Variants in PPARGC1A observed in about 807,000 individuals in gnomAD.
The protein encoded by PPARGC1A is peroxisome proliferator-activated receptor gamma coactivator 1-alpha.
A neutral mutation model predicts 88.7 loss-of-function variants in PPARGC1A; 25 were observed. The ratio of observed to expected loss-of-function variants is 0.28; its 90% confidence interval spans 0.21 to 0.39. The LOEUF is 0.39. Among genes scored for constraint, PPARGC1A ranks in the 10% least tolerant of loss-of-function variants. PPARGC1A has a pLI of 1.00. For synonymous variants in PPARGC1A, 363 were observed against 355.6 expected (o/e 1.02, Z -0.24); for missense variants, 880 against 968.7 (o/e 0.91, Z 1.22).
At chr4:24,219,486 G>A in the PPARGC1A span, among the ~76,000 whole-genome samples, 9,042 of 152,176 alleles carry the variant, frequency 0.059, 347 homozygotes, top group South Asian at 0.11. Flanking sequence ...CACTGCCTGC[G>A]TCACTGCCTC....
chr4:24,083,409 G>C, the PPARGC1A span, among the ~76,000 whole-genome samples: 1 of 152,144 alleles, frequency 6.6e-6, no homozygotes, highest in Non-Finnish European at 1.5e-5. Flanking sequence ...CCCAGTGCCT[G>C]TCACACCACA....
chr4:24,317,738 A>G, the PPARGC1A span, among the ~76,000 whole-genome samples: 9 of 152,050 alleles, frequency 5.9e-5, no homozygotes, highest in East Asian at 1.7e-3. Context: ...CCCAGCCCCG[A>G]ACCCAGACAA....
the PPARGC1A span, among the ~76,000 whole-genome samples, chr4:23,947,079 T>C: frequency 2.0e-5 from 3 of 151,978 alleles, no homozygotes; most frequent in Non-Finnish European, 4.4e-5. Context: ...CAATATCTAC[T>C]GTCCCCCCAC....
chr4:23,931,794 A>G, the PPARGC1A span, among the ~76,000 whole-genome samples: 1 of 152,214 alleles, frequency 6.6e-6, no homozygotes, highest in Admixed American at 6.5e-5. Context: ...GTGCTCAATA[A>G]TCAGTAGCTC....
chr4:23,858,163 T>G (rs1483173722), intron 2 of PPARGC1A, among the ~76,000 whole-genome samples: 4 of 152,080 alleles, frequency 2.6e-5, no homozygotes, highest in Non-Finnish European at 4.4e-5. Flanking sequence ...TTGTAGACTT[T>G]GTCTTAATTC....
the PPARGC1A span, among the ~76,000 whole-genome samples, chr4:24,387,746 A>AAGAGAGAGAGAGAG: frequency 2.1e-4 from 13 of 61,174 alleles, no homozygotes; most frequent in South Asian, 6.5e-4. Flanking sequence ...GAAAGAAAGA[A>AAGAGAGAGAGAGAG]AGAGAGAGAG....
the PPARGC1A span, among the ~76,000 whole-genome samples, chr4:24,471,500 C>T: frequency 6.6e-6 from 1 of 152,162 alleles, no homozygotes; most frequent in Admixed American, 6.5e-5. The surrounding 1 kb of genome is among the most constrained non-coding windows in gnomAD (Gnocchi z 5.4). Context: ...AATTAAAAGG[C>T]ATTTTTCCTC....
At chr4:23,903,728 G>A (rs1471861266), upstream of PPARGC1A, among the ~76,000 whole-genome samples, 1 of 152,048 alleles carries the variant, frequency 6.6e-6, no homozygotes, top group East Asian at 1.9e-4. Context: ...GAAATGCATG[G>A]TCATAATATC....
At chr4:24,144,101 G>T in the PPARGC1A span, among the ~76,000 whole-genome samples, 1 of 152,196 alleles carries the variant, frequency 6.6e-6, no homozygotes, top group Non-Finnish European at 1.5e-5. Context: ...TCCCTGTAGG[G>T]GCTTATGGCC....
the PPARGC1A span, among the ~76,000 whole-genome samples, chr4:24,160,889 G>A: frequency 9.2e-5 from 14 of 152,242 alleles, no homozygotes; most frequent in South Asian, 8.3e-4. Context: ...TATGGCTACC[G>A]GTAGCCAATG....
the PPARGC1A span, among the ~76,000 whole-genome samples, chr4:24,268,302 C>T: frequency 6.6e-6 from 1 of 152,144 alleles, no homozygotes; most frequent in Non-Finnish European, 1.5e-5. Flanking sequence ...CCAGTATTAA[C>T]CAAGGTCACT....
the PPARGC1A span, among the ~76,000 whole-genome samples, chr4:24,241,664 G>C: frequency 1.3e-5 from 2 of 152,224 alleles, no homozygotes; most frequent in East Asian, 3.8e-4. Flanking sequence ...AGACCCACCA[G>C]TTTTGTCAAT....
At chr4:24,260,167 G>C in the PPARGC1A span, among the ~76,000 whole-genome samples, 2 of 152,188 alleles carry the variant, frequency 1.3e-5, no homozygotes, top group Non-Finnish European at 2.9e-5. Flanking sequence ...TTCTCTCAAA[G>C]GTAGCAAGGT....
At chr4:24,387,834 GAGAA>G in the PPARGC1A span, among the ~76,000 whole-genome samples, 45 of 87,964 alleles carry the variant, frequency 5.1e-4, 1 homozygote, top group Middle Eastern at 6.8e-3. Flanking sequence ...GAGAGAAAGA[GAGAA>G]AGAGAGAGAG....
chr4:24,239,028 A>G, the PPARGC1A span, among the ~76,000 whole-genome samples: 1 of 152,206 alleles, frequency 6.6e-6, no homozygotes, highest in East Asian at 1.9e-4. Flanking sequence ...TTGCTACCAC[A>G]GCACATATAG....
chr4:24,329,349 A>G, the PPARGC1A span, among the ~76,000 whole-genome samples: 1 of 151,706 alleles, frequency 6.6e-6, no homozygotes, highest in South Asian at 2.1e-4. Context: ...TGCCCTTAGG[A>G]TAAAATCTGC....
At chr4:24,329,904 T>G in the PPARGC1A span, among the ~76,000 whole-genome samples, 1 of 151,712 alleles carries the variant, frequency 6.6e-6, no homozygotes, top group East Asian at 1.9e-4. Flanking sequence ...AACTAGGGAG[T>G]GAGTATTCTC....
the PPARGC1A span, among the ~76,000 whole-genome samples, chr4:24,362,601 G>A: frequency 6.6e-6 from 1 of 152,096 alleles, no homozygotes; most frequent in Non-Finnish European, 1.5e-5. Flanking sequence ...GTAGATAGAA[G>A]TATTTATTGG....
chr4:24,241,279 G>GA, the PPARGC1A span, among the ~76,000 whole-genome samples: 2 of 151,926 alleles, frequency 1.3e-5, no homozygotes, highest in African/African-American at 2.4e-5. Flanking sequence ...TTTTGTAAAA[G>GA]AAAAAAAGGC....
Sources: allele counts gnomAD v4.1 joint callset (sites outside exome capture counted in the v4.1 genomes callset), GRCh38; gene constraint gnomAD v4.1.1; non-coding constraint Gnocchi (gnomAD v3.1); transcripts MANE v1.5; gene names NCBI Gene and HGNC (gene_info 2026-07-23, HGNC 2026-07-21).